The following FANCB variants were observed in gnomAD, a reference collection of about 807,000 sequenced individuals.
The protein encoded by FANCB is FA complementation group B.
FANCB carries 5 observed loss-of-function variants against 38.9 expected under a neutral mutation model. The observed-to-expected ratio is 0.13, with a 90% CI of 0.07 to 0.27. The LOEUF is 0.27. FANCB is among the 10% of genes least tolerant of loss of function. The pLI, the probability that FANCB is intolerant of heterozygous loss-of-function variation, is 1.00. For missense variants in FANCB, 573 were observed against 602.7 expected, an observed-to-expected ratio of 0.95 and a Z score of 0.52; for synonymous variants, 236 against 215.4, an observed-to-expected ratio of 1.10 and a Z score of -0.84.
the FANCB span, among the ~76,000 whole-genome samples, chrX:14,720,302 C>T: frequency 9.0e-6 from 1 of 111,536 alleles, no homozygotes; most frequent in Non-Finnish European, 1.9e-5. Flanking sequence ...ACCTCATAAA[C>T]ATGTACAATT....
intron 6 of FANCB, among the ~76,000 whole-genome samples, chrX:14,852,170 CTTT>C (rs35738771): frequency 4.1e-5 from 4 of 98,130 alleles, no homozygotes; most frequent in Non-Finnish European, 8.4e-5. Flanking sequence ...CAAGGAGGTT[CTTT>C]TTTTTTTTTT....
chrX:14,788,587 T>C, the FANCB span, among the ~76,000 whole-genome samples: 1 of 112,135 alleles, frequency 8.9e-6, no homozygotes, highest in Non-Finnish European at 1.9e-5. Flanking sequence ...TAACACGGCA[T>C]CAGCTGGCAA....
At chrX:14,836,124 C>G (rs950362808) in exon 11 of FANCB, 1 of 111,927 alleles carries the variant, frequency 8.9e-6, no homozygotes, top group Non-Finnish European at 1.9e-5. Flanking sequence ...AGCTATGACA[C>G]GAATGAACCT....
downstream of FANCB, chrX:14,834,814 A>AATC (rs200344130): frequency 2.2e-5 from 12 of 556,036 alleles, no homozygotes; most frequent in African/African-American, 4.6e-5. Context: ...TCATCATCAA[A>AATC]ATCATCATCA....
At chrX:14,696,176 G>C in the FANCB span, among the ~76,000 whole-genome samples, 1 of 101,977 alleles carries the variant, frequency 9.8e-6, no homozygotes, top group East Asian at 3.1e-4. Flanking sequence ...GAGAAGAAGG[G>C]AGGGAGAGTG....
chrX:14,699,519 G>C, the FANCB span, among the ~76,000 whole-genome samples: 2 of 112,230 alleles, frequency 1.8e-5, no homozygotes, highest in Non-Finnish European at 3.8e-5. Flanking sequence ...TTTATACATT[G>C]TATTATGATC....
At chrX:14,691,521 T>C in the FANCB span, among the ~76,000 whole-genome samples, 1 of 111,738 alleles carries the variant, frequency 8.9e-6, no homozygotes, top group Middle Eastern at 4.6e-3. Flanking sequence ...TTGAAATGCA[T>C]AGCTCAAGAT....
chrX:14,702,442 C>T, the FANCB span, among the ~76,000 whole-genome samples: 8 of 112,158 alleles, frequency 7.1e-5, no homozygotes, highest in Admixed American at 6.6e-4. Flanking sequence ...ATCATTATTA[C>T]TATTTTGGTT....
Position 14,843,555 on chromosome X carries a change from T to G in FANCB, c.*12A>C. On this transcript the variant is annotated 3_prime_UTR_variant, in exon 10 of 10. Coordinates refer to ENST00000650831, the MANE Select transcript of FANCB (RefSeq NM_001018113.3). The stretch of plus-strand genomic sequence containing the variant: ...AAACATATTTTAAAATATGATCAAA[T>G]TGAAATTATAATTATAAATTACTCA... 8.8e-7 allele frequency: 1 copy of G among 1,141,732 alleles called. No individual in the cohort carries two copies. The highest frequency in any genetic ancestry group is 1.8e-5 in the African/African-American group (1 of 55,928). The allele number at this position is 1,141,732 out of a possible 1,213,427, so 94.1% of individuals were successfully genotyped here.
intron 10 of FANCB, among the ~76,000 whole-genome samples, chrX:14,837,454 A>C (rs954704126): frequency 1.8e-5 from 2 of 112,412 alleles, no homozygotes; most frequent in Non-Finnish European, 3.8e-5. Flanking sequence ...TGGTTCTAAC[A>C]AAGAAAACTG....
the FANCB span, among the ~76,000 whole-genome samples, chrX:14,742,479 G>T: frequency 8.9e-6 from 1 of 111,896 alleles, no homozygotes. Context: ...TGGGACAGAA[G>T]ATAGTGTAAA....
chrX:14,697,827 C>T, the FANCB span, among the ~76,000 whole-genome samples: 2 of 112,147 alleles, frequency 1.8e-5, no homozygotes, highest in East Asian at 5.6e-4. Flanking sequence ...TGTTGAGCAT[C>T]TGAATGCTCA....
At chrX:14,811,549 A>G in the FANCB span, among the ~76,000 whole-genome samples, 1 of 111,397 alleles carries the variant, frequency 9.0e-6, no homozygotes, top group African/African-American at 3.3e-5. Flanking sequence ...TTAAACCAAC[A>G]AAGATCAAAA....
chrX:14,813,496 A>G, the FANCB span, among the ~76,000 whole-genome samples: 1 of 111,790 alleles, frequency 8.9e-6, no homozygotes, highest in Non-Finnish European at 1.9e-5. Flanking sequence ...ATGTACAAAA[A>G]TCACAAGCAT....
the FANCB span, among the ~76,000 whole-genome samples, chrX:14,772,578 C>A: frequency 8.9e-6 from 1 of 112,530 alleles, no homozygotes; most frequent in Admixed American, 9.4e-5. Context: ...GGATTCCAAG[C>A]CAGTGGGTCT....
the FANCB span, among the ~76,000 whole-genome samples, chrX:14,795,029 A>G: frequency 8.9e-6 from 1 of 111,989 alleles, no homozygotes; most frequent in Non-Finnish European, 1.9e-5. Flanking sequence ...AGTCAAGAAC[A>G]CTTAGGCAGC....
At chrX:14,712,873 A>G in the FANCB span, among the ~76,000 whole-genome samples, 416 of 111,725 alleles carry the variant, frequency 3.7e-3, 2 homozygotes, top group Non-Finnish European at 5.4e-3. Context: ...TCTGACCCCA[A>G]TGATTCCCAA....
At chrX:14,864,122 G>A (rs919975354) in intron 3 of FANCB, among the ~76,000 whole-genome samples, 7 of 110,775 alleles carry the variant, frequency 6.3e-5, no homozygotes, top group Admixed American at 1.9e-4. Context: ...ATGACAAAGC[G>A]AGACTCTGTC....
downstream of FANCB, among the ~76,000 whole-genome samples, chrX:14,841,249 G>C (rs1033801865): frequency 8.9e-6 from 1 of 111,949 alleles, no homozygotes; most frequent in Non-Finnish European, 1.9e-5. Context: ...AGAATGGAAA[G>C]TAACATCTTT....
Sources: gnomAD v4.1 joint callset for allele counts (sites outside exome capture counted in the v4.1 genomes callset) on GRCh38, gnomAD v4.1.1 for gene constraint, MANE v1.5 for transcripts, NCBI Gene and HGNC (gene_info 2026-07-23, HGNC 2026-07-21) for gene names.